Variants in RNF144B observed in about 807,000 individuals in gnomAD.
The protein encoded by RNF144B is ring finger protein 144B.
Under a neutral mutation model 40.2 loss-of-function variants are expected in RNF144B, and 25 were observed. That is an observed-to-expected ratio of 0.62 (90% CI 0.45 to 0.87). The LOEUF is 0.87. Ranked by LOEUF, RNF144B falls within the 40% of genes least tolerant of loss-of-function variation. The pLI, the probability that RNF144B is intolerant of heterozygous loss-of-function variation, is 0.00. For missense variants in RNF144B, 365 were observed against 373.7 expected, an observed-to-expected ratio of 0.98 and a Z score of 0.19; for synonymous variants, 145 against 136.3, an observed-to-expected ratio of 1.06 and a Z score of -0.44.
intron 4 of RNF144B, among the ~76,000 whole-genome samples, chr6:18,440,230 A>G (rs781029582): frequency 6.6e-6 from 1 of 152,082 alleles, no homozygotes; most frequent in Non-Finnish European, 1.5e-5. Context: ...TTTACAATGT[A>G]TTGGACTGAT....
At chr6:18,411,625 T>G (rs1468507178) in intron 2 of RNF144B, among the ~76,000 whole-genome samples, 2 of 148,150 alleles carry the variant, frequency 1.3e-5, no homozygotes, top group Non-Finnish European at 3.0e-5. Context: ...TGCCTCAGCC[T>G]CCCAAGTAGC....
rs770800109 is a variant in RNF144B, at chr6:18,464,978, T to C, written c.823T>C (p.Leu275=). ...CATCATTGCCTTGGTTACTTCACCCTTGTTACTCCTGGCCTCCCCATGTAT... is the reference window on the plus strand; with the variant it reads ...CATCATTGCCTTGGTTACTTCACCCCTGTTACTCCTGGCCTCCCCATGTAT... ...LGIIALVTSP[L]LLLASPCIIC... is the part of the protein sequence containing the mutation. Residue 275 remains leucine (L), a synonymous_variant, in exon 8 of 8, where the codon TTG becomes CTG. Transcript: ENST00000259939. This position sits in a 1 kb window ranked among gnomAD's most constrained non-coding sequence, Gnocchi z 6.1. The C allele has an allele frequency of 6.2e-7, 1 of 1,613,988 alleles. No homozygotes were observed. Among genetic ancestry groups the C allele is most frequent in the Non-Finnish European group, 8.5e-7 (1 of 1,179,916 alleles).
chr6:18,423,657 G>A (rs1190979555), intron 2 of RNF144B, among the ~76,000 whole-genome samples: 1 of 152,162 alleles, frequency 6.6e-6, no homozygotes, highest in African/African-American at 2.4e-5. Flanking sequence ...TAGACTCTCA[G>A]AGTTGGAAGA....
intron 1 of RNF144B, among the ~76,000 whole-genome samples, chr6:18,390,467 CT>C (rs1440242209): frequency 6.6e-6 from 1 of 152,206 alleles, no homozygotes; most frequent in Non-Finnish European, 1.5e-5. Context: ...GAATGAGGAT[CT>C]TCTCATCTAT....
chr6:18,431,016 G>A (rs967715416), intron 3 of RNF144B, among the ~76,000 whole-genome samples: 1 of 152,094 alleles, frequency 6.6e-6, no homozygotes, highest in Non-Finnish European at 1.5e-5. Context: ...GCTGAGGTGG[G>A]CGGATCATGA....
chr6:18,460,002 T>C lies in RNF144B; in HGVS notation c.681+251T>C, dbSNP rs1002713547. ...AGGGCATTTCTTGCTATTTGCACAT[T>C]GTCTCTATTATGTAAAGGACTATTA... On this transcript the variant is annotated intron_variant, in intron 6 of 7. Coordinates refer to ENST00000259939, the MANE Select transcript of RNF144B (RefSeq NM_182757.4). The surrounding 1 kb of genome is among the most constrained non-coding windows in gnomAD (Gnocchi z 4.4). 6.6e-6 allele frequency among the ~76,000 whole-genome samples: 1 copy of C among 152,242 alleles called. No homozygotes were observed. The highest frequency in any genetic ancestry group is 6.5e-5 in the Admixed American group (1 of 15,286).
At chr6:18,424,805 C>T (rs1758510094) in intron 2 of RNF144B, among the ~76,000 whole-genome samples, 1 of 152,166 alleles carries the variant, frequency 6.6e-6, no homozygotes, top group Admixed American at 6.5e-5. Flanking sequence ...ATAGAGGCAC[C>T]TGGGATATTC....
Position 18,405,905 on chromosome 6 carries a change from C to T in RNF144B, c.165+6206C>T, listed in dbSNP as rs1420421666. 6.6e-6 allele frequency among the ~76,000 whole-genome samples: 1 copy of T among 152,148 alleles called. No homozygotes were observed. Among genetic ancestry groups the T allele is most frequent in the Non-Finnish European group, 1.5e-5 (1 of 68,030 alleles). ...AACCATACTATTAAGGCCCTAATGT[C>T]TTTGTCATAGCATCATAGTCCTAGA... On this transcript the variant is annotated intron_variant, in intron 2 of 7. Transcript: ENST00000259939. This position sits in a 1 kb window ranked among gnomAD's most constrained non-coding sequence, Gnocchi z 4.5.
rs1254736295 is a variant in RNF144B, at chr6:18,464,092, C to T, written c.771+712C>T. 6.6e-6 allele frequency among the ~76,000 whole-genome samples: 1 copy of T among 152,098 alleles called. No homozygotes were observed. The highest frequency in any genetic ancestry group is 1.5e-5 in the Non-Finnish European group (1 of 68,010). ...ACCATATCAGGCAGTGCTCTAAAAC[C>T]CTGTGAGCCCCTTCTAGGGCTTAGA... On this transcript the variant is annotated intron_variant, in intron 7 of 7. Transcript: ENST00000259939. The surrounding 1 kb of genome is among the most constrained non-coding windows in gnomAD (Gnocchi z 6.1).
intron 3 of RNF144B, among the ~76,000 whole-genome samples, chr6:18,435,188 A>G (rs945511506): frequency 6.6e-6 from 1 of 152,220 alleles, no homozygotes; most frequent in Non-Finnish European, 1.5e-5. Flanking sequence ...CTGTTTAACA[A>G]TAAATAAATT....
At chr6:18,435,127 A>G (rs1309952507) in intron 3 of RNF144B, among the ~76,000 whole-genome samples, 1 of 152,202 alleles carries the variant, frequency 6.6e-6, no homozygotes, top group Non-Finnish European at 1.5e-5. Flanking sequence ...TTCTAGAATG[A>G]TCATGAGGAC....
intron 3 of RNF144B, among the ~76,000 whole-genome samples, chr6:18,437,168 C>A (rs901101318): frequency 1.3e-5 from 2 of 152,122 alleles, no homozygotes; most frequent in Admixed American, 1.3e-4. Flanking sequence ...CTGGGTGCAA[C>A]TGGCTCATGT....
intron 1 of RNF144B, among the ~76,000 whole-genome samples, chr6:18,392,593 G>A (rs1193453385): frequency 6.6e-6 from 1 of 152,080 alleles, no homozygotes; most frequent in African/African-American, 2.4e-5. Flanking sequence ...AAATGACGAT[G>A]TTAAAACTAA....
In RNF144B at chr6:18,408,938, G is replaced by GTT. The variant is rs3078245; in HGVS notation, c.165+9256_165+9257dup. Among the ~76,000 whole-genome samples, 158 of 143,994 alleles carry GTT rather than the reference G, an allele frequency of 1.1e-3. 2 individuals are homozygous for GTT. The East Asian group carries it at 0.014, about 13-fold the overall frequency. The allele number at this position is 143,994 out of a possible 152,430, so 94.5% of individuals were successfully genotyped here. On this transcript the variant is annotated intron_variant, in intron 2 of 7. Coordinates refer to ENST00000259939, the MANE Select transcript of RNF144B (RefSeq NM_182757.4). ...CTCCACCTATATAGTCCAGAAAAGT[G>GTT]TTTTTTTTTTTTTTTTTTCTCTGCA...
chr6:18,439,838 TGTCAACAAA>T, intron 4 of RNF144B, 94 bp downstream of exon 4: 1 of 810,128 alleles, frequency 1.2e-6, no homozygotes, highest in Non-Finnish European at 2.1e-6. Flanking sequence ...AGCTATGGGC[TGTCAACAAA>T]GCCTCAAGGG....
Position 18,457,433 on chromosome 6 carries a change from G to A in RNF144B, c.536+74G>A. On this transcript the variant is annotated intron_variant, in intron 5 of 7. Transcript: ENST00000259939. The surrounding 1 kb of genome is among the most constrained non-coding windows in gnomAD (Gnocchi z 5.1). ...AATTCAACATACCTTACGTGTAGAA[G>A]GAGTTACGTTGTGATGGCGTTTAGA... The A allele has an allele frequency of 8.8e-7, 1 of 1,133,596 alleles. No homozygotes were observed. Among genetic ancestry groups the A allele is most frequent in the African/African-American group, 1.5e-5 (1 of 65,740 alleles). The allele number at this position is 1,133,596 out of a possible 1,614,324, so 70.2% of individuals were successfully genotyped here. A position where few individuals can be genotyped will look rare whatever the true frequency, so the allele number is the denominator to read the frequency against.
chr6:18,387,676 G>A (rs1794484892), intron 1 of RNF144B, 46 bp downstream of exon 1: 2 of 1,276,130 alleles, frequency 1.6e-6, no homozygotes, highest in South Asian at 1.2e-5. Context: ...TGCAAGACCG[G>A]AATGGTGTTG....
Position 18,463,390 on chromosome 6 carries a change from C to A in RNF144B, c.771+10C>A. 2 of 1,570,922 alleles carry A rather than the reference C, an allele frequency of 1.3e-6. No individual in the cohort carries two copies. The highest frequency in any genetic ancestry group is 1.8e-6 in the Non-Finnish European group (2 of 1,140,708). On this transcript the variant is annotated intron_variant, in intron 7 of 7. Coordinates refer to ENST00000259939, the MANE Select transcript of RNF144B (RefSeq NM_182757.4). ...GTGGAACCGAACACAGGTACCCTGA[C>A]CTTATAGGGAGCGTGACATAAACCA...
chr6:18,453,290 C>T (rs1424771044), intron 4 of RNF144B, among the ~76,000 whole-genome samples: 4 of 151,536 alleles, frequency 2.6e-5, no homozygotes, highest in Non-Finnish European at 5.9e-5. Context: ...AGGCGCCCAC[C>T]ACCACATCTG....
Sources: allele counts gnomAD v4.1 joint callset (sites outside exome capture counted in the v4.1 genomes callset), GRCh38; gene constraint gnomAD v4.1.1; non-coding constraint Gnocchi (gnomAD v3.1); transcripts MANE v1.5; gene names NCBI Gene and HGNC (gene_info 2026-07-23, HGNC 2026-07-21).